Variants in LRRC57 observed in about 807,000 individuals in gnomAD.
LRRC57 encodes the protein leucine rich repeat containing 57.
In LRRC57, 14 loss-of-function variants were observed where a neutral mutation model predicts 23.1. The observed-to-expected ratio is 0.61, with a 90% CI of 0.40 to 0.95. LRRC57 has a LOEUF of 0.95. Among genes scored for constraint, LRRC57 ranks in the 40% least tolerant of loss-of-function variants. The pLI is 0.00. For synonymous variants in LRRC57, 106 were observed against 115.2 expected (o/e 0.92, Z 0.51); for missense variants, 236 against 284.4 (o/e 0.83, Z 1.22).
rs775017912 is a variant in LRRC57 at position 42,548,324 on chromosome 15, CCCTGGTCGTGTCCCT to C, written c.84+12_84+26del. 5 of 1,614,014 alleles carry C rather than the reference CCCTGGTCGTGTCCCT, an allele frequency of 3.1e-6. No individual in the cohort carries two copies. Among genetic ancestry groups the C allele is most frequent in the Non-Finnish European group, 4.2e-6 (5 of 1,179,960 alleles). On this transcript the variant is annotated intron_variant, in intron 2 of 5. Transcript: ENST00000397130. ...CCCGCCGTCCCTCTCCCTTTAAGTT[CCCTGGTCGTGTCCCT>C]CCCAGTCTCACCTCGGTCAGCCCTC...
In LRRC57 at chr15:42,541,203, T is replaced by C. The variant is rs150189197; in HGVS notation, c.*2880A>G. 11 of 151,984 alleles carry C rather than the reference T, an allele frequency of 7.2e-5. No homozygotes were observed. Among genetic ancestry groups the C allele is most frequent in the East Asian group, 3.9e-4 (2 of 5,174 alleles). 9.4% of individuals were successfully genotyped at this position (151,984 alleles called of 1,614,324 possible). ...CTAGTACCCCTTTCAAAGTGAGAAA[T>C]AGAAAATGACATATGGGAGGCTGGG... is the stretch of plus-strand genomic sequence containing the variant. On this transcript the variant is annotated 3_prime_UTR_variant, in exon 6 of 6. Transcript: ENST00000397130.
At chr15:42,544,945 T>A (rs2057651599) in intron 5 of LRRC57, 132 bp downstream of exon 5, 1 of 636,774 alleles carries the variant, frequency 1.6e-6, no homozygotes, top group Non-Finnish European at 2.6e-6. Context: ...ATTCAGCCAA[T>A]GCTTTGAATC....
At chr15:42,534,875 CAG>C (rs2141569682), downstream of LRRC57, among the ~76,000 whole-genome samples, 1 of 152,264 alleles carries the variant, frequency 6.6e-6, no homozygotes, top group South Asian at 2.1e-4. Context: ...ATGCTGTAAA[CAG>C]ATGTGTTATC....
At chr15:42,532,135 A>G in the LRRC57 span, 1 of 150,346 alleles carries the variant, frequency 6.7e-6, no homozygotes, top group East Asian at 2.0e-4. Context: ...TCTCTTGTCC[A>G]GGCTGGAGTG....
the LRRC57 span, among the ~76,000 whole-genome samples, chr15:42,528,742 C>T: frequency 2.6e-4 from 39 of 152,132 alleles, no homozygotes; most frequent in African/African-American, 8.9e-4. Context: ...TGCGCCACCA[C>T]GCCCAGCTAA....
chr15:42,545,853 C>T (rs1229284393), intron 4 of LRRC57, among the ~76,000 whole-genome samples: 1 of 152,046 alleles, frequency 6.6e-6, no homozygotes, highest in Non-Finnish European at 1.5e-5. Flanking sequence ...CTTCATATGT[C>T]ATCTTCTCTC....
downstream of LRRC57, among the ~76,000 whole-genome samples, chr15:42,533,781 C>T (rs1283866161): frequency 2.6e-5 from 4 of 152,214 alleles, no homozygotes; most frequent in Non-Finnish European, 5.9e-5. Flanking sequence ...TTCTAGACCA[C>T]TACCATAAAG....
the LRRC57 span, among the ~76,000 whole-genome samples, chr15:42,531,131 G>A: frequency 6.6e-6 from 1 of 152,144 alleles, no homozygotes; most frequent in Admixed American, 6.5e-5. Context: ...TTGATTACAG[G>A]ATGCATCCCA....
downstream of LRRC57, among the ~76,000 whole-genome samples, chr15:42,535,104 A>G (rs1469932152): frequency 6.6e-6 from 1 of 152,222 alleles, no homozygotes; most frequent in African/African-American, 2.4e-5. Context: ...TCATTTTCCA[A>G]TAGAAGGCAG....
Position 42,548,115 on chromosome 15 carries a change from T to C in LRRC57, c.214A>G (p.Asn72Asp), listed in dbSNP as rs2057672338. ...CTGGCGAGAGCCATACTCAGTTTGT[T>C]GTTGTTCAGGGAGAGGCTCTTCAGC... is the stretch of plus-strand genomic sequence containing the variant. ...TLLKSLSLNNNKLTVLPDEIC... is the reference protein window; with the variant it reads ...TLLKSLSLNNDKLTVLPDEIC... The change falls in exon 3 of 6, where the codon AAC becomes GAC. Residue 72 changes from asparagine to aspartate, a missense_variant. By Grantham distance (23) the Asn-to-Asp change is conservative. Transcript: ENST00000397130. The C allele has an allele frequency of 6.2e-7, 1 of 1,614,184 alleles. No individual in the cohort carries two copies. The highest frequency in any genetic ancestry group is 8.5e-7 in the Non-Finnish European group (1 of 1,180,020).
Position 42,548,118 on chromosome 15 carries a change from T to A in LRRC57, c.211A>T (p.Asn71Tyr). 1 of 1,614,212 alleles carries A rather than the reference T, an allele frequency of 6.2e-7. No homozygotes were observed. The highest frequency in any genetic ancestry group is 2.2e-5 in the East Asian group (1 of 44,878). ...FTLLKSLSLN[N>Y]NKLTVLPDEI... ...GCGAGAGCCATACTCAGTTTGTTGT[T>A]GTTCAGGGAGAGGCTCTTCAGCAGA... The change falls in exon 3 of 6, where the codon AAC becomes TAC. Residue 71 changes from asparagine to tyrosine, a missense_variant. Coordinates refer to ENST00000397130, the MANE Select transcript of LRRC57 (RefSeq NM_153260.3).
At chr15:42,537,263 ACGCACG>A (rs1297499716), downstream of LRRC57, among the ~76,000 whole-genome samples, 2 of 149,854 alleles carry the variant, frequency 1.3e-5, no homozygotes, top group African/African-American at 4.9e-5. Flanking sequence ...ACACACACAC[ACGCACG>A]CACACATGGC....
intron 4 of LRRC57, 47 bp downstream of exon 4, chr15:42,547,214 T>G (rs1403904057): frequency 6.3e-7 from 1 of 1,587,092 alleles, no homozygotes; most frequent in Non-Finnish European, 8.6e-7. Context: ...CAGGAGACCT[T>G]AAAGCCACAC....
intron 4 of LRRC57, 131 bp from the exon 5 acceptor site, chr15:42,545,393 A>C (rs2057654529): frequency 2.0e-6 from 1 of 512,688 alleles, no homozygotes; most frequent in Non-Finnish European, 3.2e-6. Flanking sequence ...TACCACCTCC[A>C]TTTTCTCACT....
chr15:42,545,311 C>T, intron 4 of LRRC57, 49 bp from the exon 5 acceptor site: 1 of 1,354,106 alleles, frequency 7.4e-7, no homozygotes, highest in East Asian at 2.5e-5. Context: ...AAGCACTATA[C>T]TGGTTACTTT....
In LRRC57 at chr15:42,548,211, G is replaced by C; in HGVS notation, c.118C>G (p.Leu40Val). Residue 40 changes from leucine to valine, a missense_variant, in exon 3 of 6, where the codon CTC becomes GTC. Leu to Val is a conservative substitution (Grantham distance 32). Transcript: ENST00000397130. ...PADLQKLTSN[L>V]RTIDLSNNKI... Reference sequence around the variant, plus strand: ...TTGTTGGACAAGTCGATGGTCCTGAGATTGCTCGTCAGCTTCTGCAAGTCT... The same window carrying C: ...TTGTTGGACAAGTCGATGGTCCTGACATTGCTCGTCAGCTTCTGCAAGTCT... 6.2e-7 allele frequency: 1 copy of C among 1,614,208 alleles called. No homozygotes were observed. The highest frequency in any genetic ancestry group is 8.5e-7 in the Non-Finnish European group (1 of 1,180,042).
chr15:42,533,839 A>G (rs1246498479), downstream of LRRC57, among the ~76,000 whole-genome samples: 1 of 152,268 alleles, frequency 6.6e-6, no homozygotes, highest in Non-Finnish European at 1.5e-5. Flanking sequence ...TTCCCAGTGC[A>G]TATAAAAGTT....
downstream of LRRC57, chr15:42,537,740 A>G (rs1399796347): frequency 2.0e-5 from 3 of 152,360 alleles, no homozygotes; most frequent in East Asian, 1.9e-4. Flanking sequence ...TTGCAGTGAC[A>G]TGAATACACT....
In LRRC57 at chr15:42,543,706, C is replaced by G. The variant is rs1449213876; in HGVS notation, c.*377G>C. 1.1e-5 allele frequency: 2 copies of G among 187,636 alleles called. No homozygotes were observed. Among genetic ancestry groups the G allele is most frequent in the African/African-American group, 4.7e-5 (2 of 42,834 alleles). The allele number at this position is 187,636 out of a possible 1,614,324, so 11.6% of individuals were successfully genotyped here. A position where few individuals can be genotyped will look rare whatever the true frequency, so the allele number is the denominator to read the frequency against. ...TGGCAACAGACTTTATGAAAGCTCA[C>G]ACAGTGAAACTAAACAAAATCTCAA... On this transcript the variant is annotated 3_prime_UTR_variant, in exon 6 of 6. Transcript: ENST00000397130.
Sources: gnomAD v4.1 joint callset for allele counts (sites outside exome capture counted in the v4.1 genomes callset) on GRCh38, gnomAD v4.1.1 for gene constraint, MANE v1.5 for transcripts, NCBI Gene and HGNC (gene_info 2026-07-23, HGNC 2026-07-21) for gene names.